The following ZNF609 variants were observed in gnomAD, a reference collection of about 807,000 sequenced individuals.
ZNF609 encodes zinc finger protein 609.
A neutral mutation model predicts 109.5 loss-of-function variants in ZNF609; 11 were observed. The ratio of observed to expected loss-of-function variants is 0.10; its 90% confidence interval spans 0.06 to 0.17. The LOEUF is 0.17. Among genes scored for constraint, ZNF609 ranks in the 10% least tolerant of loss-of-function variants. The probability of loss-of-function intolerance (pLI) is 1.00; values close to 1 mark genes in which losing one functional copy is unlikely to be tolerated. For missense variants in ZNF609, 1,559 were observed against 1,772.4 expected (o/e 0.88, Z 2.16); for synonymous variants, 646 against 662.0 (o/e 0.98, Z 0.37).
At chr15:64,565,316 G>A (rs1473746153) in intron 2 of ZNF609, among the ~76,000 whole-genome samples, 2 of 150,974 alleles carry the variant, frequency 1.3e-5, no homozygotes, top group African/African-American at 4.9e-5. Flanking sequence ...CCTAACCTCA[G>A]GTGATCCACC....
chr15:64,652,561 A>AT (rs1273007617), intron 3 of ZNF609, among the ~76,000 whole-genome samples: 4 of 151,740 alleles, frequency 2.6e-5, no homozygotes, highest in Admixed American at 6.6e-5. Context: ...TAATTTTTAT[A>AT]TTTTTTGTAG....
chr15:64,660,567 T>C (rs1163701517), intron 3 of ZNF609, among the ~76,000 whole-genome samples: 1 of 152,204 alleles, frequency 6.6e-6, no homozygotes, highest in Non-Finnish European at 1.5e-5. Context: ...ATATTTACTA[T>C]CTGTCCCTTA....
rs1246767910 is a variant in ZNF609, at chr15:64,674,680, C to T, written c.1826C>T (p.Ser609Phe). 2.5e-6 allele frequency: 4 copies of T among 1,614,032 alleles called. No individual in the cohort carries two copies. Among genetic ancestry groups the T allele is most frequent in the Non-Finnish European group, 3.4e-6 (4 of 1,180,050 alleles). Residue 609 changes from serine (S) to phenylalanine (F), a missense_variant, in exon 5 of 10, where the codon TCT becomes TTT. Physicochemically the swap from Ser to Phe is radical, Grantham distance 155. Coordinates refer to ENST00000326648, the MANE Select transcript of ZNF609 (RefSeq NM_015042.2). ...CTTGGGGCCTTATCCAATGATGGCT[C>T]TGATGATGGACCCTCAGTGATGGAT... ...TDLGALSNDG[S>F]DDGPSVMDET...
intron 2 of ZNF609, among the ~76,000 whole-genome samples, chr15:64,506,061 A>C (rs112898883): frequency 0.031 from 4,669 of 152,276 alleles, 253 homozygotes; most frequent in African/African-American, 0.1. Context: ...GCACTTATTT[A>C]CTGAGTGATC....
chr15:64,495,751 CTT>C (rs112898156), intron 1 of ZNF609, among the ~76,000 whole-genome samples: 2 of 136,564 alleles, frequency 1.5e-5, no homozygotes, highest in Non-Finnish European at 1.6e-5. Flanking sequence ...TTCCTTGTAT[CTT>C]TTTTTTTTTT....
intron 2 of ZNF609, among the ~76,000 whole-genome samples, chr15:64,511,184 T>C (rs1221947126): frequency 6.6e-6 from 1 of 151,760 alleles, no homozygotes; most frequent in African/African-American, 2.4e-5. Flanking sequence ...AGAAAGGAGG[T>C]ATAGGGGCCA....
chr15:64,660,875 A>G (rs1236109326), intron 3 of ZNF609, among the ~76,000 whole-genome samples: 4 of 152,132 alleles, frequency 2.6e-5, no homozygotes, highest in Admixed American at 6.6e-5. Context: ...GCCCTTTATA[A>G]AATAGCAGCA....
intron 2 of ZNF609, among the ~76,000 whole-genome samples, chr15:64,537,942 A>C (rs1417038498): frequency 6.6e-6 from 1 of 151,970 alleles, no homozygotes; most frequent in Non-Finnish European, 1.5e-5. Context: ...CTCTACTAAA[A>C]ATACAAAAAA....
chr15:64,662,294 T>G (rs868260899), intron 3 of ZNF609, among the ~76,000 whole-genome samples: 1 of 152,192 alleles, frequency 6.6e-6, no homozygotes, highest in Non-Finnish European at 1.5e-5. Context: ...CCATCACTTC[T>G]GCAAGTTGCT....
At chr15:64,464,750 C>CT (rs367798777) in intron 1 of ZNF609, among the ~76,000 whole-genome samples, 1 of 152,138 alleles carries the variant, frequency 6.6e-6, no homozygotes, top group South Asian at 2.1e-4. Flanking sequence ...GTGAAGGACT[C>CT]TTTTCGCTAG....
At chr15:64,529,497 G>C (rs1276538405) in intron 2 of ZNF609, 3 of 1,115,812 alleles carry the variant, frequency 2.7e-6, no homozygotes, top group African/African-American at 3.0e-5. Flanking sequence ...CCTTGACGGT[G>C]CCATGGAATT....
intron 2 of ZNF609, among the ~76,000 whole-genome samples, chr15:64,503,369 CAG>C (rs1893588799): frequency 2.0e-5 from 3 of 152,340 alleles, no homozygotes; most frequent in Admixed American, 2.0e-4. Flanking sequence ...ATAAACAAGA[CAG>C]AGCCTTCCAG....
At chr15:64,481,312 CTTTT>C (rs1218058203) in intron 1 of ZNF609, among the ~76,000 whole-genome samples, 1 of 143,834 alleles carries the variant, frequency 7.0e-6, no homozygotes, top group African/African-American at 2.7e-5. Context: ...AGGCATCTTT[CTTTT>C]TTCTTTTTTT....
At chr15:64,640,561 C>G (rs1268761385) in intron 3 of ZNF609, among the ~76,000 whole-genome samples, 2 of 152,220 alleles carry the variant, frequency 1.3e-5, no homozygotes, top group Non-Finnish European at 2.9e-5. Flanking sequence ...CTCGCATAAG[C>G]CAAGCCTAGT....
intron 1 of ZNF609, among the ~76,000 whole-genome samples, chr15:64,477,341 C>T (rs547028131): frequency 4.0e-5 from 6 of 151,746 alleles, no homozygotes; most frequent in Admixed American, 6.6e-5. Context: ...GGGGTTTCAC[C>T]GTGTTAGCCA....
intron 2 of ZNF609, among the ~76,000 whole-genome samples, chr15:64,622,302 T>G (rs1290985177): frequency 1.3e-5 from 2 of 152,172 alleles, no homozygotes; most frequent in Non-Finnish European, 2.9e-5. Flanking sequence ...AATCATGGCA[T>G]TCCTAGGATT....
At chr15:64,567,822 C>T (rs1038623547) in intron 2 of ZNF609, among the ~76,000 whole-genome samples, 4 of 151,946 alleles carry the variant, frequency 2.6e-5, no homozygotes, top group African/African-American at 7.3e-5. Flanking sequence ...CCACCACACC[C>T]GACTAATTTT....
chr15:64,554,230 C>T (rs945214772), intron 2 of ZNF609, among the ~76,000 whole-genome samples: 2 of 152,082 alleles, frequency 1.3e-5, no homozygotes, highest in African/African-American at 2.4e-5. Context: ...TTTTCTTTTT[C>T]GGATTGAGAA....
At chr15:64,670,494 A>G in intron 4 of ZNF609, 61 bp downstream of exon 4, 1 of 1,395,316 alleles carries the variant, frequency 7.2e-7, no homozygotes, top group Admixed American at 1.7e-5. Context: ...GTGATCCCTT[A>G]TACTTTTATC....
Sources: allele counts gnomAD v4.1 joint callset (sites outside exome capture counted in the v4.1 genomes callset), GRCh38; gene constraint gnomAD v4.1.1; transcripts MANE v1.5; gene names NCBI Gene and HGNC (gene_info 2026-07-23, HGNC 2026-07-21).